The following GLIS3 variants were observed in gnomAD, a reference collection of about 807,000 sequenced individuals.
GLIS3 encodes the protein GLIS family zinc finger 3.
Under a neutral mutation model 78.6 loss-of-function variants are expected in GLIS3, and 53 were observed. That is an observed-to-expected ratio of 0.67 (90% CI 0.54 to 0.85). The LOEUF is 0.85. Ranked by LOEUF, GLIS3 falls within the 40% of genes least tolerant of loss-of-function variation. The probability of loss-of-function intolerance (pLI) is 0.00; values close to 1 mark genes in which losing one functional copy is unlikely to be tolerated. For synonymous variants in GLIS3, 684 were observed against 509.9 expected, an observed-to-expected ratio of 1.34 and a Z score of -4.60; for missense variants, 1,703 against 1,231.1, an observed-to-expected ratio of 1.38 and a Z score of -5.74.
At chr9:4,411,114 C>A in the GLIS3 span, among the ~76,000 whole-genome samples, 3 of 152,098 alleles carry the variant, frequency 2.0e-5, no homozygotes, top group African/African-American at 7.2e-5. Flanking sequence ...CAGATGAAGC[C>A]ATATTGTCAA....
At chr9:4,099,829 T>C (rs979278495) in intron 4 of GLIS3, among the ~76,000 whole-genome samples, 2 of 152,236 alleles carry the variant, frequency 1.3e-5, no homozygotes, top group Admixed American at 6.5e-5. Context: ...AGAATTTAAA[T>C]TGATAAAAGA....
At chr9:3,992,337 A>C (rs958285520) in intron 4 of GLIS3, among the ~76,000 whole-genome samples, 1 of 151,396 alleles carries the variant, frequency 6.6e-6, no homozygotes, top group Non-Finnish European at 1.5e-5. Flanking sequence ...AAAAGGAAAT[A>C]ATAAAAATGA....
chr9:4,045,811 C>T (rs969532271), intron 4 of GLIS3, among the ~76,000 whole-genome samples: 5 of 152,094 alleles, frequency 3.3e-5, no homozygotes, highest in Admixed American at 2.6e-4. Context: ...AATGTTCCGC[C>T]CCGTCAGATA....
intron 2 of GLIS3, among the ~76,000 whole-genome samples, chr9:4,281,902 T>A (rs1827590462): frequency 6.6e-6 from 1 of 152,228 alleles, no homozygotes; most frequent in South Asian, 2.1e-4. Context: ...AAATACCCTG[T>A]GACTCCCAAA....
intron 2 of GLIS3, among the ~76,000 whole-genome samples, chr9:4,178,193 C>G (rs2208561): frequency 1 from 152,254 of 152,336 alleles, 76,086 homozygotes; most frequent in Non-Finnish European, 1. Context: ...AGGTGGACTA[C>G]GCATTTACAC....
At chr9:4,072,697 G>A (rs532432571) in intron 4 of GLIS3, among the ~76,000 whole-genome samples, 3 of 151,230 alleles carry the variant, frequency 2.0e-5, no homozygotes, top group South Asian at 4.2e-4. Context: ...GCTTATTACC[G>A]AGATTTCTGC....
chr9:4,117,909 C>T lies in GLIS3; in HGVS notation c.1569G>A (p.Lys523=). 1 of 1,614,166 alleles carries T rather than the reference C, an allele frequency of 6.2e-7. No homozygotes were observed. The change falls in exon 4 of 11, where the codon AAG becomes AAA. Residue 523 remains lysine (K), a synonymous_variant. Transcript: ENST00000381971. ...QQEELVRHIE[K]VHIDQRKGED... is the part of the protein sequence containing the mutation. ...CCCCTTTGCGCTGGTCGATGTGGAC[C>T]TTCTCGATGTGCCGCACGAGCTCCT...
At chr9:4,202,959 A>T (rs1819537229) in intron 2 of GLIS3, among the ~76,000 whole-genome samples, 1 of 152,230 alleles carries the variant, frequency 6.6e-6, no homozygotes, top group Non-Finnish European at 1.5e-5. Context: ...CAACAAAAAC[A>T]AAAGTTGACA....
At chr9:4,096,240 G>A (rs1310559542) in intron 4 of GLIS3, among the ~76,000 whole-genome samples, 1 of 152,192 alleles carries the variant, frequency 6.6e-6, no homozygotes, top group Non-Finnish European at 1.5e-5. Flanking sequence ...ACCAGACGAT[G>A]TGCGGTTAAT....
At chr9:4,308,648 G>T (rs1255533189) in intron 4 of GLIS3, 3 of 152,792 alleles carry the variant, frequency 2.0e-5, no homozygotes, top group Non-Finnish European at 4.4e-5. Context: ...ACCCCCCAGA[G>T]ATTCTGACTT....
At chr9:4,085,088 C>A (rs1409397260) in intron 4 of GLIS3, among the ~76,000 whole-genome samples, 2 of 151,980 alleles carry the variant, frequency 1.3e-5, no homozygotes, top group African/African-American at 4.8e-5. Context: ...AAACAGCTTG[C>A]AAATGAAGGA....
intron 9 of GLIS3, among the ~76,000 whole-genome samples, chr9:3,831,536 G>A (rs1202562254): frequency 6.6e-6 from 1 of 152,194 alleles, no homozygotes; most frequent in Admixed American, 6.5e-5. Flanking sequence ...GAGAGTACAA[G>A]CCTTTTGGAA....
At chr9:4,116,910 G>A (rs1396134095) in intron 4 of GLIS3, among the ~76,000 whole-genome samples, 1 of 152,176 alleles carries the variant, frequency 6.6e-6, no homozygotes, top group Non-Finnish European at 1.5e-5. Context: ...GCCATCCTGT[G>A]ATCCCAAGGG....
chr9:3,908,356 T>G lies in GLIS3; in HGVS notation c.1984-9521A>C, dbSNP rs533869061. Among the ~76,000 whole-genome samples the G allele has an allele frequency of 3.3e-5, 5 of 152,312 alleles. No homozygotes were observed. The East Asian group carries it at 9.6e-4, about 29-fold the overall frequency. On this transcript the variant is annotated intron_variant, in intron 6 of 10. Coordinates refer to ENST00000381971, the MANE Select transcript of GLIS3 (RefSeq NM_001042413.2). ...ATTAGAATTGCTTGAATCCTTTTAT[T>G]CTTACACCTGCAGGAAGGCTCATGG...
rs1817820460 is a variant in GLIS3 at position 3,828,073 on chromosome 9, A to C, written c.*199T>G. Reference sequence around the variant, plus strand: ...TGGTCACATAGTCCAGGAAAACCAGAGAGAAAAAGGAGCAACTGTAATGAT... The same window carrying C: ...TGGTCACATAGTCCAGGAAAACCAGCGAGAAAAAGGAGCAACTGTAATGAT... On this transcript the variant is annotated 3_prime_UTR_variant, in exon 11 of 11. Coordinates refer to ENST00000381971, the MANE Select transcript of GLIS3 (RefSeq NM_001042413.2). 4.8e-6 allele frequency: 3 copies of C among 626,124 alleles called. No homozygotes were observed. The South Asian group carries it at 5.7e-5, about 12-fold the overall frequency. The allele number at this position is 626,124 out of a possible 1,614,324, so 38.8% of individuals were successfully genotyped here.
chr9:4,067,179 A>C (rs1013211496), intron 4 of GLIS3, among the ~76,000 whole-genome samples: 11 of 151,520 alleles, frequency 7.3e-5, no homozygotes, highest in African/African-American at 2.4e-4. Context: ...TTAATACTTA[A>C]CACCTTTGAC....
At chr9:3,943,353 C>A (rs547679354) in intron 4 of GLIS3, among the ~76,000 whole-genome samples, 5 of 152,214 alleles carry the variant, frequency 3.3e-5, no homozygotes, top group Admixed American at 6.5e-5. Context: ...GGACTAATAA[C>A]TCCACAATGG....
At chr9:4,192,979 A>G (rs1017653872) in intron 2 of GLIS3, among the ~76,000 whole-genome samples, 2 of 152,234 alleles carry the variant, frequency 1.3e-5, no homozygotes, top group Admixed American at 1.3e-4. Flanking sequence ...CAAGCTATGA[A>G]CTGGCAAGCT....
At chr9:4,132,643 C>G (rs1833063805) in intron 2 of GLIS3, among the ~76,000 whole-genome samples, 1 of 151,958 alleles carries the variant, frequency 6.6e-6, no homozygotes, top group Admixed American at 6.6e-5. Context: ...TAACCCAGTC[C>G]CCCATGGAGC....
Sources: allele counts gnomAD v4.1 joint callset (sites outside exome capture counted in the v4.1 genomes callset), GRCh38; gene constraint gnomAD v4.1.1; transcripts MANE v1.5; gene names NCBI Gene and HGNC (gene_info 2026-07-23, HGNC 2026-07-21).